The following LMX1B variants were observed in gnomAD, a reference collection of about 807,000 sequenced individuals.
LMX1B encodes LIM homeobox transcription factor 1-beta.
LMX1B carries 12 observed loss-of-function variants against 51.4 expected under a neutral mutation model. The observed-to-expected ratio is 0.23, with a 90% CI of 0.15 to 0.38. The LOEUF (loss-of-function observed/expected upper bound fraction) is 0.38. Among genes scored for constraint, LMX1B ranks in the 10% least tolerant of loss-of-function variants. LMX1B has a pLI of 1.00. For missense variants in LMX1B, 445 were observed against 571.1 expected, an observed-to-expected ratio of 0.78 and a Z score of 2.25; for synonymous variants, 237 against 235.4, an observed-to-expected ratio of 1.01 and a Z score of -0.06.
Position 126,641,549 on chromosome 9 carries a change from G to T in LMX1B, c.326+25980G>T, listed in dbSNP as rs968626818. The stretch of plus-strand genomic sequence containing the variant: ...TCTTCTCGGGCCTGAGCTGGGCTGG[G>T]CTGGGTTAGGCGACCACCCCCACCC... On this transcript the variant is annotated intron_variant, in intron 2 of 7. Transcript: ENST00000373474. This position sits in a 1 kb window ranked among gnomAD's most constrained non-coding sequence, Gnocchi z 4.1. Among the ~76,000 whole-genome samples the T allele has an allele frequency of 3.3e-5, 5 of 152,130 alleles. No homozygotes were observed. Among genetic ancestry groups the T allele is most frequent in the Non-Finnish European group, 7.4e-5 (5 of 68,018 alleles).
chr9:126,674,180 G>C (rs984095843), intron 2 of LMX1B, among the ~76,000 whole-genome samples: 1 of 152,158 alleles, frequency 6.6e-6, no homozygotes, highest in African/African-American at 2.4e-5. Context: ...CCCCGCACCA[G>C]GGAGCCAAGG....
At chr9:126,662,277 A>T (rs546238385) in intron 2 of LMX1B, among the ~76,000 whole-genome samples, 1 of 152,228 alleles carries the variant, frequency 6.6e-6, no homozygotes, top group Non-Finnish European at 1.5e-5. Flanking sequence ...TGTGGTGCTT[A>T]GCATGAGCCT....
At chr9:126,620,379 A>G (rs1363916015) in intron 2 of LMX1B, among the ~76,000 whole-genome samples, 2 of 152,196 alleles carry the variant, frequency 1.3e-5, no homozygotes, top group African/African-American at 4.8e-5. Context: ...GGCCTCATCA[A>G]CAAACTGGGG....
In LMX1B at chr9:126,695,653, T is replaced by A. The variant is rs1417527827; in HGVS notation, c.887-186T>A. Reference sequence around the variant, plus strand: ...AGGAGGGGAGGACTCTGGCTTTTGGTAAGCTGAGCCTGGAGGAGGAGCTGG... The same window carrying A: ...AGGAGGGGAGGACTCTGGCTTTTGGAAAGCTGAGCCTGGAGGAGGAGCTGG... On this transcript the variant is annotated intron_variant, in intron 6 of 7. Transcript: ENST00000373474. The surrounding 1 kb of genome is among the most constrained non-coding windows in gnomAD (Gnocchi z 5.2). 6.6e-6 allele frequency among the ~76,000 whole-genome samples: 1 copy of A among 151,998 alleles called. No individual in the cohort carries two copies. Among genetic ancestry groups the A allele is most frequent in the African/African-American group, 2.4e-5 (1 of 41,378 alleles).
chr9:126,626,973 G>T lies in LMX1B; in HGVS notation c.326+11404G>T, dbSNP rs1350120915. 1.3e-5 allele frequency among the ~76,000 whole-genome samples: 2 copies of T among 152,222 alleles called. No individual in the cohort carries two copies. Among genetic ancestry groups the T allele is most frequent in the East Asian group, 3.9e-4 (2 of 5,186 alleles). On this transcript the variant is annotated intron_variant, in intron 2 of 7. Coordinates refer to ENST00000373474, the MANE Select transcript of LMX1B (RefSeq NM_001174147.2). This position sits in a 1 kb window ranked among gnomAD's most constrained non-coding sequence, Gnocchi z 4.3. ...GTCCGGGCTCCTCTGCAGGGAAGAG[G>T]CCTTGGTCTTGGGGGAGGCCCCCGC...
At chr9:126,656,108 G>T (rs1836111450) in intron 2 of LMX1B, among the ~76,000 whole-genome samples, 1 of 152,214 alleles carries the variant, frequency 6.6e-6, no homozygotes, top group South Asian at 2.1e-4. Flanking sequence ...ATGAGAGAGA[G>T]AATTCACATT....
chr9:126,689,077 G>T (rs968967689), intron 2 of LMX1B, among the ~76,000 whole-genome samples: 3 of 152,248 alleles, frequency 2.0e-5, no homozygotes, highest in Non-Finnish European at 4.4e-5. Context: ...GAGCATAGAG[G>T]AGGCTACCTC....
At chr9:126,647,745 A>G (rs1647387204) in intron 2 of LMX1B, among the ~76,000 whole-genome samples, 1 of 152,236 alleles carries the variant, frequency 6.6e-6, no homozygotes, top group South Asian at 2.1e-4. Context: ...GCATGAGGTT[A>G]CTAGCTTCTT....
chr9:126,615,638 C>G lies in LMX1B; in HGVS notation c.326+69C>G. ...GAGCCCGGTCAGCCCCCTGCCGGGC[C>G]CGGCCCGCGCCCGCTCTGCCGCCGG... On this transcript the variant is annotated intron_variant, in intron 2 of 7. Coordinates refer to ENST00000373474, the MANE Select transcript of LMX1B (RefSeq NM_001174147.2). The surrounding 1 kb of genome is among the most constrained non-coding windows in gnomAD (Gnocchi z 6.0). The G allele has an allele frequency of 7.0e-7, 1 of 1,431,886 alleles. No individual in the cohort carries two copies. Among genetic ancestry groups the G allele is most frequent in the Middle Eastern group, 1.8e-4 (1 of 5,644 alleles). The allele number at this position is 1,431,886 out of a possible 1,614,324, so 88.7% of individuals were successfully genotyped here.
rs1445820222 is a variant in LMX1B, at chr9:126,614,345, G to A, written c.-105G>A. 1.2e-6 allele frequency: 1 copy of A among 837,650 alleles called. No homozygotes were observed. The highest frequency in any genetic ancestry group is 1.5e-6 in the Non-Finnish European group (1 of 680,554). The allele number at this position is 837,650 out of a possible 1,614,324, so 51.9% of individuals were successfully genotyped here. On this transcript the variant is annotated 5_prime_UTR_variant, in exon 1 of 8. Coordinates refer to ENST00000373474, the MANE Select transcript of LMX1B (RefSeq NM_001174147.2). ...GGGCCGGCGCAACCCCTGCCCTGCG[G>A]GGGCCGCGCCTCCCCGGTTCCAGGG...
chr9:126,689,455 C>T (rs1365697530), intron 2 of LMX1B, among the ~76,000 whole-genome samples: 2 of 152,244 alleles, frequency 1.3e-5, no homozygotes, highest in Non-Finnish European at 2.9e-5. Context: ...CCCAAGGTGG[C>T]GCCCGCAGAC....
At chr9:126,696,085 C>A in intron 7 of LMX1B, 82 bp downstream of exon 7, 1 of 1,319,662 alleles carries the variant, frequency 7.6e-7, no homozygotes, top group Non-Finnish European at 1.0e-6. Flanking sequence ...GCCAGGACAG[C>A]CACCTGCTGC....
In LMX1B at chr9:126,621,655, CTTTTTTTTTTTTTTT is replaced by C. The variant is rs71377950; in HGVS notation, c.326+6098_326+6112del. ...TAGGGTTTTTCTCTCTCTCTCTCTT[CTTTTTTTTTTTTTTT>C]TTTTTTTTTTTGCAGTAAATGTTTA... On this transcript the variant is annotated intron_variant, in intron 2 of 7. Transcript: ENST00000373474. 6.0e-5 allele frequency among the ~76,000 whole-genome samples: 7 copies of C among 116,870 alleles called. No individual in the cohort carries two copies. In the South Asian group the frequency reaches 7.6e-4, roughly 13 times the overall value. The allele number at this position is 116,870 out of a possible 152,430, so 76.7% of individuals were successfully genotyped here. A position where few individuals can be genotyped will look rare whatever the true frequency, so the allele number is the denominator to read the frequency against.
chr9:126,645,070 T>G (rs1219572459), intron 2 of LMX1B, among the ~76,000 whole-genome samples: 3 of 152,170 alleles, frequency 2.0e-5, no homozygotes. Context: ...CCACGCTGTG[T>G]TGTTCCAGCT....
intron 2 of LMX1B, among the ~76,000 whole-genome samples, chr9:126,679,658 G>A (rs1417538610): frequency 6.6e-6 from 1 of 152,084 alleles, no homozygotes; most frequent in East Asian, 1.9e-4. Flanking sequence ...CACACAAGGT[G>A]TCCAGCCTGA....
intron 2 of LMX1B, among the ~76,000 whole-genome samples, chr9:126,683,846 G>A (rs1021464017): frequency 6.6e-6 from 1 of 152,164 alleles, no homozygotes; most frequent in Non-Finnish European, 1.5e-5. Context: ...TGGCAGAGCC[G>A]GGATTTAAAT....
intron 2 of LMX1B, among the ~76,000 whole-genome samples, chr9:126,682,052 C>T (rs1271050495): frequency 7.0e-6 from 1 of 142,352 alleles, no homozygotes; most frequent in Non-Finnish European, 1.5e-5. Flanking sequence ...AGCCACACCC[C>T]AGATACTTGC....
chr9:126,644,670 GCCGAGTGAGAA>G (rs140032256), intron 2 of LMX1B, among the ~76,000 whole-genome samples: 146 of 152,298 alleles, frequency 9.6e-4, no homozygotes, highest in African/African-American at 3.3e-3. Context: ...CTCTGGCTCA[GCCGAGTGAGAA>G]CTCTACTTTG....
At position 126,658,874 on chromosome 9, in the gene LMX1B, G is replaced by A. The variant is rs1049304984; in HGVS notation, c.327-31962G>A. On this transcript the variant is annotated intron_variant, in intron 2 of 7. Transcript: ENST00000373474. The surrounding 1 kb of genome is among the most constrained non-coding windows in gnomAD (Gnocchi z 4.0). ...AGGCCTGGTTTGCTGTGGAGAGAAG[G>A]AGGACTTCCTGGGGACATGAGAAGT... 2.0e-5 allele frequency among the ~76,000 whole-genome samples: 3 copies of A among 152,176 alleles called. No homozygotes were observed. The highest frequency in any genetic ancestry group is 4.8e-5 in the African/African-American group (2 of 41,444).
Sources: allele counts gnomAD v4.1 joint callset (sites outside exome capture counted in the v4.1 genomes callset), GRCh38; gene constraint gnomAD v4.1.1; non-coding constraint Gnocchi (gnomAD v3.1); transcripts MANE v1.5; gene names NCBI Gene and HGNC (gene_info 2026-07-23, HGNC 2026-07-21).